The following CCNA1 variants were observed in gnomAD, a reference collection of about 807,000 sequenced individuals.
CCNA1 encodes cyclin-A1.
Under a neutral mutation model 54.1 loss-of-function variants are expected in CCNA1, and 23 were observed. That is an observed-to-expected ratio of 0.42 (90% CI 0.31 to 0.60). CCNA1 has a LOEUF of 0.60. Among genes scored for constraint, CCNA1 ranks in the 20% least tolerant of loss-of-function variants. The probability of loss-of-function intolerance (pLI) is 0.14; values close to 1 mark genes in which losing one functional copy is unlikely to be tolerated. For synonymous variants in CCNA1, 208 were observed against 213.9 expected (o/e 0.97, Z 0.24); for missense variants, 450 against 556.7 (o/e 0.81, Z 1.93).
chr13:36,433,309 T>C lies in CCNA1; in HGVS notation c.297+88T>C, dbSNP rs1000618259. 9 of 908,082 alleles carry C rather than the reference T, an allele frequency of 9.9e-6. No homozygotes were observed. In the East Asian group the frequency reaches 1.6e-4, roughly 16 times the overall value. 56.3% of individuals were successfully genotyped at this position (908,082 alleles called of 1,614,324 possible). ...GGTGCTTTTCTCTTGCCCTTGTACCTACAACTCCCCCTGAGTATTACAACC... is the reference window on the plus strand; with the variant it reads ...GGTGCTTTTCTCTTGCCCTTGTACCCACAACTCCCCCTGAGTATTACAACC... On this transcript the variant is annotated intron_variant, in intron 2 of 8. Coordinates refer to ENST00000255465, the MANE Select transcript of CCNA1 (RefSeq NM_003914.4).
chr13:36,441,337 A>G, intron 7 of CCNA1, 106 bp downstream of exon 7: 1 of 647,546 alleles, frequency 1.5e-6, no homozygotes, highest in South Asian at 1.9e-5. Context: ...ACTTGACAGC[A>G]GACCACAACA....
Position 36,433,231 on chromosome 13 carries a change from C to G in CCNA1, c.297+10C>G. On this transcript the variant is annotated intron_variant, in intron 2 of 8. Transcript: ENST00000255465. Reference sequence around the variant, plus strand: ...GAGGACCTGTGGCCAGGTAATGACTCAGACGCATTGAGAATGATGCTTGTG... The same window carrying G: ...GAGGACCTGTGGCCAGGTAATGACTGAGACGCATTGAGAATGATGCTTGTG... 3 of 1,603,338 alleles carry G rather than the reference C, an allele frequency of 1.9e-6. No homozygotes were observed. The highest frequency in any genetic ancestry group is 2.6e-6 in the Non-Finnish European group (3 of 1,174,448).
chr13:36,438,033 A>T (rs753405934), intron 3 of CCNA1, 34 bp from the exon 4 acceptor site: 2 of 1,604,404 alleles, frequency 1.2e-6, no homozygotes, highest in Non-Finnish European at 8.5e-7. Context: ...TGTTTAAATT[A>T]AATGAGTTAT....
chr13:36,439,939 AG>A (rs1440243478), intron 5 of CCNA1, 39 bp from the exon 6 acceptor site: 1 of 1,411,154 alleles, frequency 7.1e-7, no homozygotes, highest in Non-Finnish European at 1.0e-6. Flanking sequence ...GTAGAGCCAA[AG>A]GTTCTAAGTT....
At position 36,432,511 on chromosome 13, in the gene CCNA1, TAGAA is replaced by T; in HGVS notation, c.-107_-104del. The T allele has an allele frequency of 4.5e-6, 2 of 440,914 alleles. No homozygotes were observed. The highest frequency in any genetic ancestry group is 8.0e-4 in the Middle Eastern group (1 of 1,246). The allele number at this position is 440,914 out of a possible 1,614,324, so 27.3% of individuals were successfully genotyped here. ...GCACTTGCCAGTTGTTCCGGACACA[TAGAA>T]AGATAACGACGGGAAGAGCGGGGCC... On this transcript the variant is annotated 5_prime_UTR_variant, in exon 1 of 9. Transcript: ENST00000255465.
chr13:36,442,500 G>A, intron 8 of CCNA1, 114 bp from the exon 9 acceptor site: 1 of 1,160,312 alleles, frequency 8.6e-7, no homozygotes, highest in Non-Finnish European at 1.3e-6. Flanking sequence ...CTTGTAGTCA[G>A]CCAGCTTCCT....
Position 36,442,763 on chromosome 13 carries a change from CA to C in CCNA1, c.*100del. 1 of 944,038 alleles carries C rather than the reference CA, an allele frequency of 1.1e-6. No individual in the cohort carries two copies. The highest frequency in any genetic ancestry group is 1.4e-5 in the South Asian group (1 of 72,514). The allele number at this position is 944,038 out of a possible 1,614,324, so 58.5% of individuals were successfully genotyped here. ...ACGTTGGATCAACTAATGTTGTTTA[CA>C]ATATAGATGACATTTTAAAAATGTA... is the stretch of plus-strand genomic sequence containing the variant. On this transcript the variant is annotated 3_prime_UTR_variant, in exon 9 of 9. Coordinates refer to ENST00000255465, the MANE Select transcript of CCNA1 (RefSeq NM_003914.4).
Position 36,441,317 on chromosome 13 carries a change from G to T in CCNA1, c.1212+86G>T, listed in dbSNP as rs140419245. The T allele has an allele frequency of 4.0e-4, 304 of 753,638 alleles. 2 individuals are homozygous for T. In the African/African-American group the frequency reaches 4.7e-3, roughly 12 times the overall value. The allele number at this position is 753,638 out of a possible 1,614,324, so 46.7% of individuals were successfully genotyped here. ...TATGAGGGCAAGTTAGTTTAATAAG[G>T]ATCTGGTCAACTTGACAGCAGACCA... On this transcript the variant is annotated intron_variant, in intron 7 of 8. Transcript: ENST00000255465.
intron 2 of CCNA1, among the ~76,000 whole-genome samples, chr13:36,433,545 C>CTT (rs71711184): frequency 1.4e-4 from 15 of 104,112 alleles, no homozygotes; most frequent in African/African-American, 5.6e-4. Context: ...TCCTTTCCTT[C>CTT]TTTTTTTTTT....
chr13:36,440,802 T>C (rs143132410), intron 6 of CCNA1, among the ~76,000 whole-genome samples: 4 of 152,338 alleles, frequency 2.6e-5, no homozygotes, highest in African/African-American at 9.6e-5. Context: ...AAAATCTCTG[T>C]TCCAATTCCA....
At chr13:36,438,582 A>G (rs970746076) in intron 4 of CCNA1, 62 bp from the exon 5 acceptor site, 12 of 1,159,562 alleles carry the variant, frequency 1.0e-5, no homozygotes, top group African/African-American at 6.1e-5. Flanking sequence ...AATAGCAACT[A>G]TATTGTGGAA....
intron 5 of CCNA1, among the ~76,000 whole-genome samples, 165 bp downstream of exon 5, chr13:36,439,032 AACTT>A (rs2055844100): frequency 3.9e-5 from 6 of 152,230 alleles, no homozygotes. Context: ...GAGAAACTGA[AACTT>A]ACCACATGTT....
upstream of CCNA1, chr13:36,432,182 T>A (rs1316663659): frequency 6.2e-6 from 1 of 160,430 alleles, no homozygotes; most frequent in East Asian, 1.9e-4. Context: ...CAGGTCGCCA[T>A]GGCGATGCGG....
Position 36,437,529 on chromosome 13 carries a change from G to A in CCNA1, c.298-100G>A, listed in dbSNP as rs945374315. ...CGACATAGATTTTTCAGTTTAGAAT[G>A]TATCTTACCTTCCCAGGCTGTTGGT... On this transcript the variant is annotated intron_variant, in intron 2 of 8. Transcript: ENST00000255465. The A allele has an allele frequency of 6.0e-5, 68 of 1,137,050 alleles. No homozygotes were observed. The Middle Eastern group carries it at 8.2e-4, about 14-fold the overall frequency. The allele number at this position is 1,137,050 out of a possible 1,614,324, so 70.4% of individuals were successfully genotyped here. A position where few individuals can be genotyped will look rare whatever the true frequency, so the allele number is the denominator to read the frequency against.
At chr13:36,442,575 C>T (rs200777269) in intron 8 of CCNA1, 39 bp from the exon 9 acceptor site, 197 of 1,608,964 alleles carry the variant, frequency 1.2e-4, no homozygotes, top group Non-Finnish European at 1.6e-4. Flanking sequence ...AAACCAAAGT[C>T]CTTGGCTTGT....
chr13:36,433,600 A>C (rs1175139963), intron 2 of CCNA1, among the ~76,000 whole-genome samples: 2 of 134,544 alleles, frequency 1.5e-5, no homozygotes, highest in Admixed American at 8.1e-5. Context: ...GAGTGCAGTG[A>C]CGCGATCTCG....
intron 6 of CCNA1, among the ~76,000 whole-genome samples, chr13:36,440,691 T>C (rs1196604370): frequency 2.6e-5 from 4 of 152,204 alleles, no homozygotes; most frequent in Non-Finnish European, 5.9e-5. Context: ...TGTCCACATG[T>C]TTTACTATGT....
At chr13:36,438,363 A>G (rs2055833522) in intron 4 of CCNA1, among the ~76,000 whole-genome samples, 172 bp downstream of exon 4, 1 of 152,112 alleles carries the variant, frequency 6.6e-6, no homozygotes, top group African/African-American at 2.4e-5. Context: ...TGCTTGGACT[A>G]TTTCTACATG....
At chr13:36,431,929 CT>C (rs1338142256), upstream of CCNA1, 1 of 152,746 alleles carries the variant, frequency 6.5e-6, no homozygotes, top group African/African-American at 2.4e-5. Flanking sequence ...TTGTTAGCGG[CT>C]GTTGGGAGAA....
Sources: gnomAD v4.1 joint callset for allele counts (sites outside exome capture counted in the v4.1 genomes callset) on GRCh38, gnomAD v4.1.1 for gene constraint, MANE v1.5 for transcripts, NCBI Gene and HGNC (gene_info 2026-07-23, HGNC 2026-07-21) for gene names.